CFAP299: variants seen among roughly 807,000 people sequenced by gnomAD.
CFAP299 encodes the protein cilia and flagella associated protein 299.
Under a neutral mutation model 27.0 loss-of-function variants are expected in CFAP299, and 21 were observed. That is an observed-to-expected ratio of 0.78 (90% CI 0.55 to 1.12). The LOEUF (loss-of-function observed/expected upper bound fraction) is 1.12. Ranked by LOEUF, CFAP299 falls within the 50% of genes most tolerant of loss-of-function variation. The probability of loss-of-function intolerance (pLI) is 0.00; values close to 1 mark genes in which losing one functional copy is unlikely to be tolerated. For missense variants in CFAP299, 310 were observed against 276.6 expected (o/e 1.12, Z -0.86); for synonymous variants, 104 against 98.1 (o/e 1.06, Z -0.36).
At chr4:80,361,675 G>GTT (rs972658493) in intron 1 of CFAP299, among the ~76,000 whole-genome samples, 2 of 152,152 alleles carry the variant, frequency 1.3e-5, no homozygotes, top group East Asian at 3.9e-4. Flanking sequence ...GCTTTGTGGA[G>GTT]TTTAGTATTT....
intron 3 of CFAP299, among the ~76,000 whole-genome samples, chr4:80,735,569 G>T (rs150606435): frequency 2.5e-4 from 38 of 152,022 alleles, no homozygotes; most frequent in Admixed American, 7.2e-4. Context: ...ACTAGCTGTG[G>T]GTCTATCATA....
chr4:80,685,274 A>G (rs1182111577), intron 3 of CFAP299, among the ~76,000 whole-genome samples: 1 of 152,138 alleles, frequency 6.6e-6, no homozygotes, highest in African/African-American at 2.4e-5. Context: ...AATTTGGGTT[A>G]CTAGTTTCTC....
intron 3 of CFAP299, among the ~76,000 whole-genome samples, chr4:80,668,869 G>T (rs913855830): frequency 5.3e-5 from 8 of 151,844 alleles, no homozygotes; most frequent in South Asian, 2.1e-4. Context: ...TTGTTTTTTT[G>T]ATAGGGATTG....
chr4:80,792,779 A>G (rs1363622337), intron 3 of CFAP299, among the ~76,000 whole-genome samples: 3 of 152,308 alleles, frequency 2.0e-5, no homozygotes, highest in African/African-American at 7.2e-5. Context: ...GAATCAACAC[A>G]TATTCACATA....
intron 2 of CFAP299, among the ~76,000 whole-genome samples, chr4:80,366,609 G>T (rs936627676): frequency 6.6e-6 from 1 of 152,180 alleles, no homozygotes; most frequent in African/African-American, 2.4e-5. Context: ...GAAATGAAAG[G>T]CATTACATTG....
intron 2 of CFAP299, among the ~76,000 whole-genome samples, chr4:80,434,782 G>T (rs972110047): frequency 7.2e-5 from 11 of 152,192 alleles, no homozygotes; most frequent in African/African-American, 2.7e-4. Flanking sequence ...GTAGGCGGGA[G>T]GAGGAGACAC....
intron 3 of CFAP299, among the ~76,000 whole-genome samples, chr4:80,666,726 C>A (rs1311133336): frequency 6.6e-6 from 1 of 152,262 alleles, no homozygotes; most frequent in Admixed American, 6.5e-5. Flanking sequence ...TCCAGACTTT[C>A]TTGTAACTAA....
In CFAP299 at chr4:80,691,673, A is replaced by T. The variant is rs543253284; in HGVS notation, c.333+108490A>T. 5.5e-4 allele frequency among the ~76,000 whole-genome samples: 83 copies of T among 150,678 alleles called. 1 individual carries two copies. Among genetic ancestry groups the T allele is most frequent in the African/African-American group, 1.9e-3 (77 of 41,230 alleles). On this transcript the variant is annotated intron_variant, in intron 3 of 5. Coordinates refer to ENST00000358105, the MANE Select transcript of CFAP299 (RefSeq NM_152770.3). The stretch of plus-strand genomic sequence containing the variant: ...CTCTCTCACCACTCCTATTCAACAT[A>T]GTGTTGGAAGTTCTGGCCAGGGCAA...
chr4:80,451,288 A>G (rs1728893064), intron 2 of CFAP299, among the ~76,000 whole-genome samples: 1 of 152,112 alleles, frequency 6.6e-6, no homozygotes, highest in South Asian at 2.1e-4. Context: ...TTCTCTTGTT[A>G]TGAGAATACC....
At chr4:80,679,318 G>A (rs1184400377) in intron 3 of CFAP299, among the ~76,000 whole-genome samples, 1 of 151,932 alleles carries the variant, frequency 6.6e-6, no homozygotes, top group Non-Finnish European at 1.5e-5. Context: ...AGTCAATGAA[G>A]GACATTTATG....
At chr4:80,361,436 CAAAT>C (rs1723543611) in intron 1 of CFAP299, among the ~76,000 whole-genome samples, 1 of 152,194 alleles carries the variant, frequency 6.6e-6, no homozygotes, top group Non-Finnish European at 1.5e-5. Context: ...AATTCTTACT[CAAAT>C]GATCTCACTT....
At chr4:80,646,986 AGAGT>A (rs1216999457) in intron 3 of CFAP299, among the ~76,000 whole-genome samples, 1,228 of 49,144 alleles carry the variant, frequency 0.025, 15 homozygotes, top group Non-Finnish European at 0.046. Context: ...AGAGAGAGAG[AGAGT>A]GTGTGTGTGT....
At chr4:80,565,945 G>T (rs149771014) in intron 2 of CFAP299, among the ~76,000 whole-genome samples, 2 of 152,082 alleles carry the variant, frequency 1.3e-5, no homozygotes, top group Admixed American at 6.6e-5. Flanking sequence ...ACTGACTTAG[G>T]GTCTCATCAC....
intron 3 of CFAP299, among the ~76,000 whole-genome samples, chr4:80,706,122 T>C (rs1439559543): frequency 1.3e-5 from 2 of 151,846 alleles, no homozygotes; most frequent in African/African-American, 4.8e-5. Flanking sequence ...CTATGGAATG[T>C]TCTATATTCA....
chr4:80,730,783 C>T (rs1043781979), intron 3 of CFAP299, among the ~76,000 whole-genome samples: 1 of 152,144 alleles, frequency 6.6e-6, no homozygotes, highest in East Asian at 1.9e-4. Context: ...ATAACTAATA[C>T]GTTGTTCTCT....
intron 3 of CFAP299, among the ~76,000 whole-genome samples, chr4:80,638,693 T>C (rs1319083677): frequency 2.4e-4 from 37 of 152,172 alleles, no homozygotes; most frequent in Non-Finnish European, 2.9e-5. Flanking sequence ...TAAGTTCTAT[T>C]ATTCTCTTTT....
At chr4:80,585,364 G>GA (rs1348531472) in intron 3 of CFAP299, among the ~76,000 whole-genome samples, 3 of 152,150 alleles carry the variant, frequency 2.0e-5, no homozygotes, top group African/African-American at 7.2e-5. Flanking sequence ...AGAAGCTGGA[G>GA]AAAAAGATCT....
intron 2 of CFAP299, among the ~76,000 whole-genome samples, chr4:80,480,815 C>T (rs1241218130): frequency 6.6e-6 from 1 of 151,906 alleles, no homozygotes; most frequent in Non-Finnish European, 1.5e-5. Context: ...CAATTCAACC[C>T]AGTCTACAAA....
At chr4:80,706,532 T>C (rs1471603518) in intron 3 of CFAP299, among the ~76,000 whole-genome samples, 1 of 151,856 alleles carries the variant, frequency 6.6e-6, no homozygotes, top group Non-Finnish European at 1.5e-5. Flanking sequence ...ATCATAGTCA[T>C]TGATACATGA....
Sources: gnomAD v4.1 joint callset for allele counts (sites outside exome capture counted in the v4.1 genomes callset) on GRCh38, gnomAD v4.1.1 for gene constraint, MANE v1.5 for transcripts, NCBI Gene and HGNC (gene_info 2026-07-23, HGNC 2026-07-21) for gene names.